OSBPL10: variants seen among roughly 807,000 people sequenced by gnomAD.
OSBPL10 encodes oxysterol-binding protein-related protein 10.
OSBPL10 carries 49 observed loss-of-function variants against 81.7 expected under a neutral mutation model. The ratio of observed to expected loss-of-function variants is 0.60; its 90% confidence interval spans 0.48 to 0.76. The LOEUF (loss-of-function observed/expected upper bound fraction) is 0.76. Among genes scored for constraint, OSBPL10 ranks in the 30% least tolerant of loss-of-function variants. The probability of loss-of-function intolerance (pLI) is 0.00; values close to 1 mark genes in which losing one functional copy is unlikely to be tolerated. For missense variants in OSBPL10, 923 were observed against 987.8 expected, an observed-to-expected ratio of 0.93 and a Z score of 0.88; for synonymous variants, 419 against 383.6, an observed-to-expected ratio of 1.09 and a Z score of -1.08.
At chr3:31,940,276 G>A (rs1380488555) in intron 1 of OSBPL10, among the ~76,000 whole-genome samples, 1 of 152,202 alleles carries the variant, frequency 6.6e-6, no homozygotes, top group Admixed American at 6.5e-5. Flanking sequence ...TCAACAATGT[G>A]GCTGAGCTCC....
chr3:31,806,791 G>C (rs1325929301), intron 4 of OSBPL10, among the ~76,000 whole-genome samples: 1 of 152,010 alleles, frequency 6.6e-6, no homozygotes, highest in Non-Finnish European at 1.5e-5. Context: ...GAGGAAGTTG[G>C]GGGGTGGGGG....
intron 4 of OSBPL10, chr3:31,797,977 G>A (rs748031188): frequency 6.5e-6 from 2 of 306,996 alleles, no homozygotes; most frequent in Non-Finnish European, 1.3e-5. Flanking sequence ...TATATATATC[G>A]TTCCAAACTC....
chr3:32,049,893 G>GCTGCAGT (rs1559555082), intron 1 of OSBPL10, among the ~76,000 whole-genome samples: 1 of 152,192 alleles, frequency 6.6e-6, no homozygotes, highest in African/African-American at 2.4e-5. Flanking sequence ...CGAGCTCCTT[G>GCTGCAGT]CCTTCCCCAC....
chr3:31,800,295 C>A (rs1699346918), intron 4 of OSBPL10, among the ~76,000 whole-genome samples: 1 of 152,188 alleles, frequency 6.6e-6, no homozygotes, highest in South Asian at 2.1e-4. Flanking sequence ...GATGGTGGTT[C>A]ATGACAAGGA....
At chr3:31,904,878 G>C (rs1364046948) in intron 1 of OSBPL10, among the ~76,000 whole-genome samples, 1 of 152,188 alleles carries the variant, frequency 6.6e-6, no homozygotes, top group Non-Finnish European at 1.5e-5. Flanking sequence ...TTCTGGGAGA[G>C]GAGAGCATCA....
chr3:31,699,548 T>C (rs896407747), intron 7 of OSBPL10, among the ~76,000 whole-genome samples: 5 of 152,196 alleles, frequency 3.3e-5, no homozygotes, highest in Admixed American at 6.5e-5. Context: ...ACCAGCTACA[T>C]GCTGTGTGGG....
chr3:31,820,260 A>G (rs1169329687), intron 4 of OSBPL10, among the ~76,000 whole-genome samples: 1 of 152,198 alleles, frequency 6.6e-6, no homozygotes, highest in African/African-American at 2.4e-5. Context: ...TAATAAAGTC[A>G]TGCCCTTAAG....
At chr3:31,934,895 C>T (rs918764067) in intron 1 of OSBPL10, among the ~76,000 whole-genome samples, 1 of 152,128 alleles carries the variant, frequency 6.6e-6, no homozygotes, top group South Asian at 2.1e-4. Context: ...TTTAAACAAT[C>T]GGGGCTCTAT....
At chr3:31,721,309 G>C (rs1276606575) in intron 6 of OSBPL10, 1 of 152,212 alleles carries the variant, frequency 6.6e-6, no homozygotes, top group Non-Finnish European at 1.5e-5. Flanking sequence ...AACTGCAAGA[G>C]AATACATTTG....
chr3:31,733,069 G>A, intron 6 of OSBPL10, 188 bp downstream of exon 6: 1 of 698,536 alleles, frequency 1.4e-6, no homozygotes, highest in Non-Finnish European at 2.3e-6. Context: ...CACAGCAGCT[G>A]CCAGACACAA....
intron 7 of OSBPL10, among the ~76,000 whole-genome samples, chr3:31,695,890 C>T (rs374712968): frequency 2.6e-5 from 4 of 152,208 alleles, no homozygotes; most frequent in East Asian, 3.8e-4. Context: ...ACTTGATAAT[C>T]ATAATAGCAA....
At chr3:31,738,052 G>C (rs926727880) in intron 5 of OSBPL10, among the ~76,000 whole-genome samples, 1 of 150,666 alleles carries the variant, frequency 6.6e-6, no homozygotes, top group Non-Finnish European at 1.5e-5. Flanking sequence ...AGATCCAAGA[G>C]ATAAAGGATC....
upstream of OSBPL10, chr3:32,077,686 G>T (rs901842601): frequency 6.6e-6 from 1 of 152,314 alleles, no homozygotes; most frequent in African/African-American, 2.4e-5. Context: ...CCACACTAAC[G>T]GAAGAATCAT....
intron 4 of OSBPL10, among the ~76,000 whole-genome samples, chr3:31,782,336 A>G (rs1438671434): frequency 6.6e-6 from 1 of 152,246 alleles, no homozygotes; most frequent in Non-Finnish European, 1.5e-5. Context: ...TACAAATTCT[A>G]GACGATAACA....
intron 7 of OSBPL10, among the ~76,000 whole-genome samples, chr3:31,700,798 A>G (rs895394578): frequency 7.9e-5 from 12 of 152,240 alleles, no homozygotes; most frequent in African/African-American, 2.9e-4. Context: ...TTAAAAGCCA[A>G]GCACTTAAAT....
intron 1 of OSBPL10, among the ~76,000 whole-genome samples, chr3:31,891,365 T>C (rs1695886802): frequency 6.6e-6 from 1 of 152,214 alleles, no homozygotes; most frequent in African/African-American, 2.4e-5. Context: ...GTGATGCTGA[T>C]GCTGCTGGTA....
intron 6 of OSBPL10, chr3:31,708,756 AAG>A (rs755397234): frequency 2.1e-5 from 21 of 985,292 alleles, no homozygotes; most frequent in Non-Finnish European, 2.4e-5. Context: ...TCTCCTCTGG[AAG>A]AGTCTTTTTG....
intron 4 of OSBPL10, among the ~76,000 whole-genome samples, chr3:31,752,184 A>C (rs1243284627): frequency 6.6e-6 from 1 of 152,200 alleles, no homozygotes. Flanking sequence ...ACTCACCTAG[A>C]TCTCCCAGCC....
intron 1 of OSBPL10, among the ~76,000 whole-genome samples, chr3:31,904,603 C>T (rs1385019722): frequency 2.0e-5 from 3 of 152,146 alleles, no homozygotes; most frequent in Admixed American, 2.0e-4. Context: ...CCACAACATC[C>T]ACAGAGTAAA....
Sources: allele counts gnomAD v4.1 joint callset (sites outside exome capture counted in the v4.1 genomes callset), GRCh38; gene constraint gnomAD v4.1.1; transcripts MANE v1.5; gene names NCBI Gene and HGNC (gene_info 2026-07-23, HGNC 2026-07-21).